TRIO: variants seen among roughly 807,000 people sequenced by gnomAD.
The protein encoded by TRIO is triple functional domain protein.
Under a neutral mutation model 351.9 loss-of-function variants are expected in TRIO, and 58 were observed. The observed-to-expected ratio is 0.16, with a 90% CI of 0.13 to 0.21. TRIO has a LOEUF of 0.21. Ranked by LOEUF, TRIO falls within the 10% of genes least tolerant of loss-of-function variation. The probability of loss-of-function intolerance (pLI) is 1.00; values close to 1 mark genes in which losing one functional copy is unlikely to be tolerated. For missense variants in TRIO, 3,201 were observed against 4,027.8 expected (o/e 0.79, Z 5.56); for synonymous variants, 1,758 against 1,595.7 (o/e 1.10, Z -2.42).
intron 35 of TRIO, 138 bp downstream of exon 35, chr5:14,461,449 T>C (rs1399180898): frequency 5.6e-6 from 7 of 1,257,202 alleles, no homozygotes; most frequent in Admixed American, 3.1e-5. Flanking sequence ...TTCAAGTCTC[T>C]GCTTAGCAGA....
chr5:14,387,903 A>G (rs2152361938), intron 23 of TRIO, 56 bp downstream of exon 23: 11 of 1,563,496 alleles, frequency 7.0e-6, no homozygotes, highest in Non-Finnish European at 9.6e-6. Flanking sequence ...AGAGAATGTC[A>G]TTTGGACAGA....
intron 36 of TRIO, among the ~76,000 whole-genome samples, chr5:14,463,373 T>TA (rs1394358999): frequency 6.6e-6 from 1 of 152,206 alleles, no homozygotes; most frequent in Non-Finnish European, 1.5e-5. Context: ...ACTGTCCAGT[T>TA]ACTTTTTCCA....
intron 7 of TRIO, among the ~76,000 whole-genome samples, chr5:14,303,834 T>C (rs771915411): frequency 1.3e-5 from 2 of 152,176 alleles, no homozygotes; most frequent in Admixed American, 1.3e-4. Context: ...CCTTAAGCCT[T>C]TCCTAAGATT....
intron 1 of TRIO, among the ~76,000 whole-genome samples, chr5:14,152,476 T>C (rs1464930514): frequency 6.6e-6 from 1 of 152,188 alleles, no homozygotes; most frequent in African/African-American, 2.4e-5. Context: ...GTTCAAGCAG[T>C]TCTCTGCCTT....
At chr5:14,276,511 G>A (rs915035712) in intron 2 of TRIO, among the ~76,000 whole-genome samples, 1 of 152,256 alleles carries the variant, frequency 6.6e-6, no homozygotes, top group Non-Finnish European at 1.5e-5. Flanking sequence ...CTTAATAGAC[G>A]TTAGCCATCA....
intron 1 of TRIO, among the ~76,000 whole-genome samples, chr5:14,219,198 G>A (rs937957891): frequency 1.3e-5 from 2 of 151,440 alleles, no homozygotes; most frequent in African/African-American, 4.9e-5. Flanking sequence ...TGTATGTGAA[G>A]TGGAGAGGGA....
chr5:14,374,093 T>G (rs1407757450), intron 18 of TRIO, 136 bp from the exon 19 acceptor site: 1 of 582,504 alleles, frequency 1.7e-6, no homozygotes, highest in Non-Finnish European at 3.0e-6. Flanking sequence ...GATTTTATCC[T>G]ATGCATTTTC....
At chr5:14,210,506 C>A (rs1200762003) in intron 1 of TRIO, among the ~76,000 whole-genome samples, 1 of 152,192 alleles carries the variant, frequency 6.6e-6, no homozygotes, top group African/African-American at 2.4e-5. Flanking sequence ...ATTTAGAGGT[C>A]TCTCTTTTCC....
At chr5:14,315,168 A>G (rs1739271082) in intron 8 of TRIO, among the ~76,000 whole-genome samples, 1 of 151,450 alleles carries the variant, frequency 6.6e-6, no homozygotes, top group South Asian at 2.1e-4. Context: ...CCATTTACCT[A>G]TTCCCTGTGT....
intron 1 of TRIO, among the ~76,000 whole-genome samples, chr5:14,225,792 A>ACCCCCCCCC (rs56044349): frequency 1.2e-4 from 9 of 78,114 alleles, no homozygotes; most frequent in African/African-American, 2.6e-4. Flanking sequence ...CACTGCTCCC[A>ACCCCCCCCC]CCCCCCCCCC....
intron 55 of TRIO, among the ~76,000 whole-genome samples, chr5:14,505,421 C>T (rs1028408848): frequency 6.6e-6 from 1 of 152,226 alleles, no homozygotes; most frequent in African/African-American, 2.4e-5. Flanking sequence ...CATTTACTTG[C>T]ATTTACAGCT....
chr5:14,222,021 C>T (rs532312617), intron 1 of TRIO, among the ~76,000 whole-genome samples: 40 of 152,280 alleles, frequency 2.6e-4, no homozygotes, highest in Admixed American at 2.4e-3. Flanking sequence ...GCAGCCACCC[C>T]AGCCTTCAAG....
chr5:14,448,222 G>T (rs1036085885), intron 34 of TRIO, among the ~76,000 whole-genome samples: 1 of 152,228 alleles, frequency 6.6e-6, no homozygotes, highest in Non-Finnish European at 1.5e-5. Flanking sequence ...GAACACAGAG[G>T]ATCAGAAACA....
At chr5:14,299,202 G>T (rs1737646614) in intron 7 of TRIO, among the ~76,000 whole-genome samples, 2 of 152,166 alleles carry the variant, frequency 1.3e-5, no homozygotes, top group South Asian at 4.1e-4. Context: ...AATTGAAAGA[G>T]CCTGGGGTAT....
At chr5:14,385,144 C>G (rs557718134) in intron 21 of TRIO, among the ~76,000 whole-genome samples, 1 of 152,332 alleles carries the variant, frequency 6.6e-6, no homozygotes, top group South Asian at 2.1e-4. Context: ...CAGGGCAGCC[C>G]CTCAGAGGCC....
At chr5:14,190,800 A>G (rs1270215127) in intron 1 of TRIO, among the ~76,000 whole-genome samples, 2 of 152,166 alleles carry the variant, frequency 1.3e-5, no homozygotes, top group African/African-American at 4.8e-5. Context: ...AATGGCTGTT[A>G]TGATCACCTC....
chr5:14,358,057 T>C, intron 11 of TRIO, 121 bp from the exon 12 acceptor site: 1 of 1,250,570 alleles, frequency 8.0e-7, no homozygotes, highest in Non-Finnish European at 1.1e-6. Context: ...GAGTGGTCTG[T>C]CACCAGTCCC....
At chr5:14,409,071 A>C (rs1748960880) in intron 33 of TRIO, among the ~76,000 whole-genome samples, 1 of 152,034 alleles carries the variant, frequency 6.6e-6, no homozygotes, top group African/African-American at 2.4e-5. Context: ...TCTCCAGTTC[A>C]TTATTCCGGA....
chr5:14,483,668 A>G (rs1193152617), intron 46 of TRIO, among the ~76,000 whole-genome samples: 1 of 152,150 alleles, frequency 6.6e-6, no homozygotes, highest in Non-Finnish European at 1.5e-5. Context: ...TCTGCCCACC[A>G]GCACCTAGGA....
Sources: allele counts gnomAD v4.1 joint callset (sites outside exome capture counted in the v4.1 genomes callset), GRCh38; gene constraint gnomAD v4.1.1; transcripts MANE v1.5; gene names NCBI Gene and HGNC (gene_info 2026-07-23, HGNC 2026-07-21).